GLS: variants seen among roughly 807,000 people sequenced by gnomAD.
GLS encodes the protein glutaminase kidney isoform, mitochondrial.
GLS carries 36 observed loss-of-function variants against 86.7 expected under a neutral mutation model. The ratio of observed to expected loss-of-function variants is 0.42; its 90% CI spans 0.32 to 0.55. GLS has a LOEUF of 0.55. Among genes scored for constraint, GLS ranks in the 20% least tolerant of loss-of-function variants. The pLI is 0.17. For missense variants in GLS, 528 were observed against 833.4 expected (o/e 0.63, Z 4.51); for synonymous variants, 317 against 305.9 (o/e 1.04, Z -0.38).
rs1689937516 is a variant in GLS at position 190,927,481 on chromosome 2, A to G, written c.1424A>G (p.His475Arg). ...GACTTCTCAGGGCAGTTTGCTTTCC[A>G]TGTAAGTAATTGTTTAATCTTATTT... is the stretch of plus-strand genomic sequence containing the variant. ...MYDFSGQFAF[H>R]VGLPAKSGVA... Residue 475 changes from histidine (H) to arginine (R), a missense_variant and splice_region_variant, in exon 12 of 18, where the codon CAT becomes CGT. His to Arg is a conservative substitution (Grantham distance 29). Transcript: ENST00000320717. The G allele has an allele frequency of 6.3e-7, 1 of 1,597,790 alleles. No homozygotes were observed. Among genetic ancestry groups the G allele is most frequent in the Non-Finnish European group, 8.5e-7 (1 of 1,170,804 alleles).
intron 17 of GLS, among the ~76,000 whole-genome samples, chr2:190,958,458 T>C (rs1228750483): frequency 1.3e-5 from 2 of 152,202 alleles, no homozygotes; most frequent in Admixed American, 1.3e-4. Context: ...TGTCTTCTGC[T>C]GGCTTTTGAA....
chr2:190,956,646 A>T lies in GLS; in HGVS notation c.1853+1828A>T, dbSNP rs184676141. On this transcript the variant is annotated intron_variant, in intron 17 of 17. Coordinates refer to ENST00000320717, the MANE Select transcript of GLS (RefSeq NM_014905.5). The surrounding 1 kb of genome is among the most constrained non-coding windows in gnomAD (Gnocchi z 4.2). Reference sequence around the variant, plus strand: ...TTTTTCTAATTCTGTGAAGAAAGTCAATGGTAGCTTTATGGGGATAGCATA... The same window carrying T: ...TTTTTCTAATTCTGTGAAGAAAGTCTATGGTAGCTTTATGGGGATAGCATA... 1.4e-4 allele frequency among the ~76,000 whole-genome samples: 22 copies of T among 152,292 alleles called. No individual in the cohort carries two copies. In the East Asian group the frequency reaches 2.5e-3, roughly 17 times the overall value.
chr2:190,887,095 C>CT (rs1688408987), intron 1 of GLS, among the ~76,000 whole-genome samples: 1 of 152,122 alleles, frequency 6.6e-6, no homozygotes, highest in African/African-American at 2.4e-5. Context: ...AGTTGCCTGT[C>CT]TGTGCCTTTT....
In GLS at chr2:190,953,950, A is replaced by ATATGTGTGTG. The variant is rs1317010664; in HGVS notation, c.1712+325_1712+326insATGTGTGTGT. On this transcript the variant is annotated intron_variant, in intron 15 of 17. Coordinates refer to ENST00000320717, the MANE Select transcript of GLS (RefSeq NM_014905.5). The surrounding 1 kb of genome is among the most constrained non-coding windows in gnomAD (Gnocchi z 4.0). Reference sequence around the variant, plus strand: ...CTACCCTCCATTCCCAATCTTTGATATGTGTGTGTGTGTGTGTGTGTGTGT... The same window carrying ATATGTGTGTG: ...CTACCCTCCATTCCCAATCTTTGATATATGTGTGTGTGTGTGTGTGTGTGTGTGTGTGTGT... 1.5e-5 allele frequency among the ~76,000 whole-genome samples: 2 copies of ATATGTGTGTG among 136,684 alleles called. No individual in the cohort carries two copies. Among genetic ancestry groups the ATATGTGTGTG allele is most frequent in the East Asian group, 4.4e-4 (2 of 4,504 alleles). The allele number at this position is 136,684 out of a possible 152,430, so 89.7% of individuals were successfully genotyped here.
chr2:190,904,101 A>G (rs1463977024), intron 5 of GLS, among the ~76,000 whole-genome samples: 3 of 151,390 alleles, frequency 2.0e-5, no homozygotes, highest in African/African-American at 4.9e-5. Flanking sequence ...ATGACTGCCT[A>G]CTGAACTTAG....
chr2:190,925,244 G>A (rs1172215907), intron 11 of GLS, among the ~76,000 whole-genome samples: 1 of 151,810 alleles, frequency 6.6e-6, no homozygotes, highest in Non-Finnish European at 1.5e-5. Context: ...TAAATCAGAG[G>A]GCTCTTATTC....
At position 190,930,679 on chromosome 2, in the gene GLS, G is replaced by A; in HGVS notation, c.1557+111G>A. On this transcript the variant is annotated intron_variant, in intron 13 of 17. Coordinates refer to ENST00000320717, the MANE Select transcript of GLS (RefSeq NM_014905.5). The surrounding 1 kb of genome is among the most constrained non-coding windows in gnomAD (Gnocchi z 5.0). ...ATTAACTCTTGGCCCTCCGCCTATAGTGTGCCAGTTACTAGGGAGCCGTGG... is the reference window on the plus strand; with the variant it reads ...ATTAACTCTTGGCCCTCCGCCTATAATGTGCCAGTTACTAGGGAGCCGTGG... 2 of 951,362 alleles carry A rather than the reference G, an allele frequency of 2.1e-6. No homozygotes were observed. Among genetic ancestry groups the A allele is most frequent in the Non-Finnish European group, 1.6e-6 (1 of 641,402 alleles). The allele number at this position is 951,362 out of a possible 1,614,324, so 58.9% of individuals were successfully genotyped here.
Position 190,930,673 on chromosome 2 carries a change from C to A in GLS, c.1557+105C>A. The A allele has an allele frequency of 9.6e-7, 1 of 1,037,964 alleles. No homozygotes were observed. Among genetic ancestry groups the A allele is most frequent in the Non-Finnish European group, 1.4e-6 (1 of 715,384 alleles). 64.3% of individuals were successfully genotyped at this position (1,037,964 alleles called of 1,614,324 possible). Reference sequence around the variant, plus strand: ...TAGTTCATTAACTCTTGGCCCTCCGCCTATAGTGTGCCAGTTACTAGGGAG... The same window carrying A: ...TAGTTCATTAACTCTTGGCCCTCCGACTATAGTGTGCCAGTTACTAGGGAG... On this transcript the variant is annotated intron_variant, in intron 13 of 17. Transcript: ENST00000320717. This position sits in a 1 kb window ranked among gnomAD's most constrained non-coding sequence, Gnocchi z 5.0.
intron 12 of GLS, among the ~76,000 whole-genome samples, chr2:190,929,474 A>T (rs1027674547): frequency 3.4e-5 from 5 of 145,404 alleles, no homozygotes; most frequent in Non-Finnish European, 6.1e-5. Flanking sequence ...CTGTTTCATA[A>T]TTTTTTTTTT....
At position 190,935,436 on chromosome 2, in the gene GLS, C is replaced by G. The variant is rs1198895397; in HGVS notation, c.1650+3799C>G. On this transcript the variant is annotated intron_variant, in intron 14 of 17. Transcript: ENST00000320717. This position sits in a 1 kb window ranked among gnomAD's most constrained non-coding sequence, Gnocchi z 4.2. ...AGTGTTTGCTATTCTGAAGCTGCCTCAAAGTAAACTAGAAATATTCAAAAG... is the reference window on the plus strand; with the variant it reads ...AGTGTTTGCTATTCTGAAGCTGCCTGAAAGTAAACTAGAAATATTCAAAAG... 1 of 151,746 alleles carries G rather than the reference C, an allele frequency of 6.6e-6. No homozygotes were observed. The highest frequency in any genetic ancestry group is 1.5e-5 in the Non-Finnish European group (1 of 67,858). The allele number at this position is 151,746 out of a possible 1,614,324, so 9.4% of individuals were successfully genotyped here.
intron 17 of GLS, among the ~76,000 whole-genome samples, chr2:190,958,058 G>A (rs1690904803): frequency 6.6e-6 from 1 of 152,068 alleles, no homozygotes; most frequent in Non-Finnish European, 1.5e-5. Context: ...CGGTTGGTAG[G>A]CTATTAATTA....
chr2:190,894,177 A>G (rs1688654037), intron 1 of GLS, among the ~76,000 whole-genome samples: 1 of 152,060 alleles, frequency 6.6e-6, no homozygotes, highest in Admixed American at 6.6e-5. Flanking sequence ...ATGTTAAGAG[A>G]TTGGTTCCAG....
intron 14 of GLS, among the ~76,000 whole-genome samples, chr2:190,945,749 C>G (rs1466079127): frequency 6.6e-6 from 1 of 151,778 alleles, no homozygotes; most frequent in African/African-American, 2.4e-5. Flanking sequence ...GAATGCAGTT[C>G]TTGGAGGTAC....
In GLS at chr2:190,905,347, A is replaced by T; in HGVS notation, c.979+180A>T. ...ATGATTATTTTAGGCATCTCATACCACTGGGAAGTGGGCTAGGGAGAACAT... is the reference window on the plus strand; with the variant it reads ...ATGATTATTTTAGGCATCTCATACCTCTGGGAAGTGGGCTAGGGAGAACAT... On this transcript the variant is annotated intron_variant, in intron 6 of 17. Transcript: ENST00000320717. The surrounding 1 kb of genome is among the most constrained non-coding windows in gnomAD (Gnocchi z 4.6). 5.7e-6 allele frequency: 3 copies of T among 526,322 alleles called. No homozygotes were observed. In the South Asian group the frequency reaches 7.2e-5, roughly 13 times the overall value. The allele number at this position is 526,322 out of a possible 1,614,324, so 32.6% of individuals were successfully genotyped here.
chr2:190,941,322 TATG>T (rs1346398598), intron 14 of GLS, among the ~76,000 whole-genome samples: 1 of 152,234 alleles, frequency 6.6e-6, no homozygotes, highest in Non-Finnish European at 1.5e-5. Flanking sequence ...GTATATGCCA[TATG>T]ATGCTATTTT....
In GLS at chr2:190,961,202, A is replaced by C. The variant is rs1690992808; in HGVS notation, c.1854-1628A>C. On this transcript the variant is annotated intron_variant, in intron 17 of 17. Coordinates refer to ENST00000320717, the MANE Select transcript of GLS (RefSeq NM_014905.5). ...CTTAAATTATAATAGGTTTGCACAG[A>C]ATTCGTGAATTCTTGAGATAGAGTC... Among the ~76,000 whole-genome samples the C allele has an allele frequency of 2.0e-5, 3 of 152,106 alleles. No individual in the cohort carries two copies. In the South Asian group the frequency reaches 6.2e-4, roughly 32 times the overall value.
At chr2:190,922,499 T>G (rs557092806) in intron 9 of GLS, among the ~76,000 whole-genome samples, 4 of 152,216 alleles carry the variant, frequency 2.6e-5, no homozygotes, top group African/African-American at 7.2e-5. Context: ...TTTATCAAAC[T>G]TATTACATGT....
chr2:190,899,954 A>G (rs1688880392), intron 3 of GLS, among the ~76,000 whole-genome samples: 1 of 152,072 alleles, frequency 6.6e-6, no homozygotes, highest in African/African-American at 2.4e-5. Context: ...GGTGACTCAA[A>G]TAATATAAAA....
At chr2:190,929,834 T>C (rs941684602) in intron 12 of GLS, among the ~76,000 whole-genome samples, 2 of 151,688 alleles carry the variant, frequency 1.3e-5, no homozygotes, top group Non-Finnish European at 2.9e-5. Flanking sequence ...GTTGAAATTC[T>C]ATGGTATGTA....
Sources: allele counts gnomAD v4.1 joint callset (sites outside exome capture counted in the v4.1 genomes callset), GRCh38; gene constraint gnomAD v4.1.1; non-coding constraint Gnocchi (gnomAD v3.1); transcripts MANE v1.5; gene names NCBI Gene and HGNC (gene_info 2026-07-23, HGNC 2026-07-21).